BACH2: variants seen among roughly 807,000 people sequenced by gnomAD.
BACH2 encodes the protein BACH transcriptional regulator 2.
In BACH2, 5 loss-of-function variants were observed where a neutral mutation model predicts 61.8. The observed-to-expected ratio is 0.08, with a 90% CI of 0.04 to 0.17. The LOEUF is 0.17. Among genes scored for constraint, BACH2 ranks in the 10% least tolerant of loss-of-function variants. The pLI is 1.00. For synonymous variants in BACH2, 446 were observed against 440.1 expected, an observed-to-expected ratio of 1.01 and a Z score of -0.17; for missense variants, 824 against 1,091.1, an observed-to-expected ratio of 0.76 and a Z score of 3.45.
intron 5 of BACH2, among the ~76,000 whole-genome samples, chr6:90,034,043 T>C (rs1779145555): frequency 6.6e-6 from 1 of 152,136 alleles, no homozygotes; most frequent in African/African-American, 2.4e-5. Context: ...CCACACTGTG[T>C]CTATAAAGTT....
chr6:90,182,917 C>T (rs1554255803), intron 4 of BACH2, among the ~76,000 whole-genome samples: 2 of 152,110 alleles, frequency 1.3e-5, no homozygotes, highest in Non-Finnish European at 2.9e-5. Context: ...ATTTTAGATT[C>T]AGGGGGCGCA....
intron 4 of BACH2, among the ~76,000 whole-genome samples, chr6:90,200,945 G>T (rs776796122): frequency 7.2e-5 from 11 of 152,084 alleles, no homozygotes; most frequent in Non-Finnish European, 1.6e-4. Context: ...ATGTGTATAA[G>T]CAATCTTTAT....
At chr6:90,065,761 T>G (rs948670823) in intron 5 of BACH2, among the ~76,000 whole-genome samples, 1 of 152,150 alleles carries the variant, frequency 6.6e-6, no homozygotes, top group Non-Finnish European at 1.5e-5. Context: ...TGCTAACTGA[T>G]GAAAATGGTA....
chr6:90,168,326 C>G (rs1487601646), intron 4 of BACH2, among the ~76,000 whole-genome samples: 2 of 152,080 alleles, frequency 1.3e-5, no homozygotes, highest in Non-Finnish European at 2.9e-5. Flanking sequence ...TGTACTCCAG[C>G]CTGTGCAACA....
At chr6:90,295,658 T>G (rs1037353698) in intron 1 of BACH2, among the ~76,000 whole-genome samples, 9 of 117,634 alleles carry the variant, frequency 7.7e-5, no homozygotes, top group African/African-American at 1.3e-4. Flanking sequence ...GTGTAGGGTG[T>G]GTGTGTGTGT....
chr6:89,953,126 ACTT>A (rs1344264152), intron 6 of BACH2: 1 of 152,196 alleles, frequency 6.6e-6, no homozygotes. Context: ...TTTGTAGCTG[ACTT>A]CTGTGTGTAT....
Position 90,054,402 on chromosome 6 carries a change from G to A in BACH2, c.-13+34559C>T, listed in dbSNP as rs554775745. On this transcript the variant is annotated intron_variant, in intron 5 of 8. Transcript: ENST00000257749. ...GCAGTCTGAGATCAAACTGCAAGGC[G>A]GCAGCGAGGCTGGGGGAGGGGCGCC... 6.5e-4 allele frequency among the ~76,000 whole-genome samples: 98 copies of A among 151,894 alleles called. 1 individual carries two copies. Among genetic ancestry groups the A allele is most frequent in the Non-Finnish European group, 4.3e-4 (29 of 67,894 alleles).
intron 6 of BACH2, among the ~76,000 whole-genome samples, chr6:89,968,893 C>T (rs1336956303): frequency 6.6e-6 from 1 of 152,000 alleles, no homozygotes; most frequent in African/African-American, 2.4e-5. Context: ...TGCCTGTAGT[C>T]CCAGCTACTT....
chr6:89,938,039 C>T (rs1773134981), intron 8 of BACH2, 105 bp downstream of exon 8: 5 of 1,085,136 alleles, frequency 4.6e-6, no homozygotes, highest in African/African-American at 1.6e-5. Context: ...CCCAAACTTC[C>T]GCAAAGGGTG....
intron 1 of BACH2, among the ~76,000 whole-genome samples, chr6:90,272,938 G>T (rs934785198): frequency 6.6e-6 from 1 of 152,118 alleles, no homozygotes; most frequent in African/African-American, 2.4e-5. Flanking sequence ...CCTCTAACAA[G>T]CAACCTGCAT....
intron 5 of BACH2, among the ~76,000 whole-genome samples, chr6:90,021,161 C>A (rs1778350418): frequency 6.6e-6 from 1 of 152,080 alleles, no homozygotes; most frequent in Non-Finnish European, 1.5e-5. Context: ...GACCACAACT[C>A]TTATTACTCG....
At chr6:90,016,318 T>G (rs1778056905) in intron 5 of BACH2, among the ~76,000 whole-genome samples, 1 of 152,230 alleles carries the variant, frequency 6.6e-6, no homozygotes, top group Non-Finnish European at 1.5e-5. Context: ...TTGTTTTCTA[T>G]TTGTTCTTTA....
intron 4 of BACH2, among the ~76,000 whole-genome samples, chr6:90,123,863 G>A (rs1219747571): frequency 2.0e-5 from 3 of 150,762 alleles, no homozygotes; most frequent in African/African-American, 4.9e-5. Context: ...CACCAAAATC[G>A]CCTCCTGATG....
intron 1 of BACH2, among the ~76,000 whole-genome samples, chr6:90,288,645 G>C (rs1772092354): frequency 6.6e-6 from 1 of 152,104 alleles, no homozygotes; most frequent in Admixed American, 6.5e-5. Context: ...ATCTCCAGCT[G>C]AGAGTTGCAA....
At chr6:90,018,138 C>T (rs1165681964) in intron 5 of BACH2, among the ~76,000 whole-genome samples, 1 of 152,160 alleles carries the variant, frequency 6.6e-6, no homozygotes, top group East Asian at 1.9e-4. Context: ...ATGTTATTCC[C>T]AGTTCTCTGA....
At chr6:90,164,142 A>G (rs1043022666) in intron 4 of BACH2, among the ~76,000 whole-genome samples, 9 of 152,228 alleles carry the variant, frequency 5.9e-5, no homozygotes, top group Non-Finnish European at 1.3e-4. Flanking sequence ...TTTTGAAAAG[A>G]TCAACAACAT....
chr6:89,973,214 C>A (rs1173459773), intron 6 of BACH2, among the ~76,000 whole-genome samples: 1 of 152,024 alleles, frequency 6.6e-6, no homozygotes, highest in East Asian at 1.9e-4. Context: ...CCAGCCTGGG[C>A]AACACTGAGA....
At chr6:90,261,566 A>G (rs1016463141) in intron 2 of BACH2, among the ~76,000 whole-genome samples, 1 of 152,102 alleles carries the variant, frequency 6.6e-6, no homozygotes, top group Non-Finnish European at 1.5e-5. Context: ...AGTATTCAAC[A>G]TTCTTGACTA....
chr6:90,281,142 G>T (rs907104622), intron 1 of BACH2, among the ~76,000 whole-genome samples: 60 of 152,152 alleles, frequency 3.9e-4, no homozygotes, highest in African/African-American at 1.4e-3. Context: ...CTGATCTAAA[G>T]GGGACAGCTC....
Sources: allele counts gnomAD v4.1 joint callset (sites outside exome capture counted in the v4.1 genomes callset), GRCh38; gene constraint gnomAD v4.1.1; transcripts MANE v1.5; gene names NCBI Gene and HGNC (gene_info 2026-07-23, HGNC 2026-07-21).